ANKRD30BL: variants seen among roughly 807,000 people sequenced by gnomAD.
ANKRD30BL encodes the protein putative ankyrin repeat domain-containing protein 30B-like.
Under a neutral mutation model 18.4 loss-of-function variants are expected in ANKRD30BL, and 20 were observed. The ratio of observed to expected loss-of-function variants is 1.09; its 90% CI spans 0.77 to 1.58. The LOEUF (loss-of-function observed/expected upper bound fraction) is 1.58, where lower values mean the gene tolerates loss of function less well. Ranked by LOEUF, ANKRD30BL falls within the 40% of genes most tolerant of loss-of-function variation. The pLI, the probability that ANKRD30BL is intolerant of heterozygous loss-of-function variation, is 0.00. For missense variants in ANKRD30BL, 224 were observed against 268.6 expected (o/e 0.83, Z 1.16); for synonymous variants, 72 against 100.9 (o/e 0.71, Z 1.72).
At chr2:132,202,958 C>G (rs192703625) in intron 1 of ANKRD30BL, among the ~76,000 whole-genome samples, 12 of 152,292 alleles carry the variant, frequency 7.9e-5, no homozygotes, top group Admixed American at 3.3e-4. Flanking sequence ...GGGAGAGCCT[C>G]ACATGCAAAG....
intron 1 of ANKRD30BL, among the ~76,000 whole-genome samples, chr2:132,184,405 A>C (rs922498389): frequency 6.6e-6 from 1 of 152,226 alleles, no homozygotes. Context: ...AAGTCTTAAC[A>C]AATATTTGCT....
chr2:132,223,752 A>G (rs969310672), intron 1 of ANKRD30BL, among the ~76,000 whole-genome samples: 1 of 152,104 alleles, frequency 6.6e-6, no homozygotes, highest in Admixed American at 6.6e-5. Context: ...GCAAGTGGAC[A>G]TTTGGAGGGC....
At chr2:132,236,204 A>G (rs1680146774) in intron 1 of ANKRD30BL, among the ~76,000 whole-genome samples, 1 of 152,144 alleles carries the variant, frequency 6.6e-6, no homozygotes, top group African/African-American at 2.4e-5. Flanking sequence ...TGGATTAAAG[A>G]CTTAAACGTT....
intron 1 of ANKRD30BL, among the ~76,000 whole-genome samples, chr2:132,237,409 A>G (rs374669225): frequency 6.6e-6 from 1 of 151,938 alleles, no homozygotes; most frequent in Admixed American, 6.6e-5. Context: ...AGTGGATATT[A>G]GGGCAGCATT....
intron 1 of ANKRD30BL, among the ~76,000 whole-genome samples, chr2:132,187,188 G>GTTTTTTTTTTTTTTTTTTT (rs1193358076): frequency 1.4e-4 from 13 of 90,620 alleles, no homozygotes; most frequent in African/African-American, 2.8e-4. Flanking sequence ...TTTTTTGTTT[G>GTTTTTTTTTTTTTTTTTTT]TTTTTTTTTT....
intron 1 of ANKRD30BL, among the ~76,000 whole-genome samples, chr2:132,179,263 T>C (rs1434113261): frequency 6.6e-6 from 1 of 151,378 alleles, no homozygotes; most frequent in African/African-American, 2.4e-5. Context: ...ATTACTGGTT[T>C]ATATATTTAC....
At chr2:132,217,965 A>G (rs1229239198) in intron 1 of ANKRD30BL, among the ~76,000 whole-genome samples, 3 of 151,762 alleles carry the variant, frequency 2.0e-5, no homozygotes, top group Non-Finnish European at 4.4e-5. Flanking sequence ...AACTCTAGAC[A>G]GAAGCATTCT....
intron 1 of ANKRD30BL, among the ~76,000 whole-genome samples, chr2:132,168,585 T>C (rs1402573839): frequency 6.6e-6 from 1 of 152,110 alleles, no homozygotes; most frequent in East Asian, 1.9e-4. Context: ...GATTAGAAGG[T>C]AGGAAAAATG....
chr2:132,159,044 G>A (rs975410484), intron 1 of ANKRD30BL, among the ~76,000 whole-genome samples: 2 of 151,778 alleles, frequency 1.3e-5, no homozygotes, highest in African/African-American at 4.8e-5. Flanking sequence ...GGAAATCAAA[G>A]ATAATAAAAA....
At chr2:132,171,633 A>G (rs1185070567) in intron 1 of ANKRD30BL, among the ~76,000 whole-genome samples, 1 of 152,244 alleles carries the variant, frequency 6.6e-6, no homozygotes, top group Non-Finnish European at 1.5e-5. Context: ...TAAGTTTAAT[A>G]AAGTTTAAAT....
chr2:132,196,540 C>A (rs1678973167), intron 1 of ANKRD30BL, among the ~76,000 whole-genome samples: 3 of 152,142 alleles, frequency 2.0e-5, no homozygotes, highest in Admixed American at 2.0e-4. Flanking sequence ...GTAATCCCAG[C>A]ACTTTGGTAG....
At chr2:132,197,275 T>C (rs1445513998) in intron 1 of ANKRD30BL, among the ~76,000 whole-genome samples, 2 of 152,104 alleles carry the variant, frequency 1.3e-5, no homozygotes, top group African/African-American at 4.8e-5. Flanking sequence ...GGACTCTGAG[T>C]TTTAGTGTTT....
intron 1 of ANKRD30BL, among the ~76,000 whole-genome samples, chr2:132,216,799 T>C (rs1056774551): frequency 8.1e-5 from 12 of 148,834 alleles, no homozygotes; most frequent in African/African-American, 3.0e-4. Context: ...CTTTGTGATG[T>C]GTACATTCAA....
chr2:132,192,102 G>C (rs527956069), intron 1 of ANKRD30BL, among the ~76,000 whole-genome samples: 1 of 151,990 alleles, frequency 6.6e-6, no homozygotes, highest in East Asian at 1.9e-4. Context: ...CTTCCTCTTT[G>C]ACCATATTTA....
chr2:132,255,108 C>T (rs569821048), intron 1 of ANKRD30BL, among the ~76,000 whole-genome samples: 12 of 152,244 alleles, frequency 7.9e-5, no homozygotes, highest in Admixed American at 3.3e-4. Context: ...AACACCGCCA[C>T]ATCGCCAGTT....
chr2:132,194,346 A>C (rs182709995), intron 1 of ANKRD30BL, among the ~76,000 whole-genome samples: 1 of 152,276 alleles, frequency 6.6e-6, no homozygotes, highest in East Asian at 1.9e-4. Flanking sequence ...TGACCAAGGA[A>C]ATTTGAAATG....
chr2:132,193,442 G>A (rs1259038067), intron 1 of ANKRD30BL, among the ~76,000 whole-genome samples: 1 of 152,146 alleles, frequency 6.6e-6, no homozygotes, highest in Non-Finnish European at 1.5e-5. Context: ...TCCTGAGCCA[G>A]GACCACTTTT....
At chr2:132,242,641 A>G (rs1198349092) in intron 1 of ANKRD30BL, among the ~76,000 whole-genome samples, 1 of 151,758 alleles carries the variant, frequency 6.6e-6, no homozygotes, top group Non-Finnish European at 1.5e-5. Context: ...CAGTTTTGAA[A>G]CACTCTTTTT....
At chr2:132,153,008 C>T (rs1293049622) in intron 4 of ANKRD30BL, among the ~76,000 whole-genome samples, 3 of 152,160 alleles carry the variant, frequency 2.0e-5, no homozygotes, top group Non-Finnish European at 4.4e-5. Context: ...GAAGTCTACA[C>T]CATGAAGACT....
Sources: gnomAD v4.1 joint callset for allele counts (sites outside exome capture counted in the v4.1 genomes callset) on GRCh38, gnomAD v4.1.1 for gene constraint, MANE v1.5 for transcripts, NCBI Gene and HGNC (gene_info 2026-07-23, HGNC 2026-07-21) for gene names.